The following TTLL4 variants were observed in gnomAD, a reference collection of about 807,000 sequenced individuals.
TTLL4 encodes the protein tubulin tyrosine ligase like 4.
TTLL4 carries 85 observed loss-of-function variants against 122.7 expected under a neutral mutation model. That is an observed-to-expected ratio of 0.69 (90% CI 0.58 to 0.83). The LOEUF (loss-of-function observed/expected upper bound fraction) is 0.83, where lower values mean the gene tolerates loss of function less well. Ranked by LOEUF, TTLL4 falls within the 40% of genes least tolerant of loss-of-function variation. TTLL4 has a pLI of 0.00. For synonymous variants in TTLL4, 553 were observed against 563.0 expected (o/e 0.98, Z 0.25); for missense variants, 1,363 against 1,488.6 (o/e 0.92, Z 1.39).
At chr2:218,751,887 C>CTTTTTTTT (rs72027596) in intron 16 of TTLL4, 81 bp downstream of exon 16, 14 of 455,208 alleles carry the variant, frequency 3.1e-5, no homozygotes, top group Admixed American at 5.2e-5. Context: ...AACAGCTTTT[C>CTTTTTTTT]TTTTTTTTTT....
rs773504395 is a variant in TTLL4 at position 218,738,969 on chromosome 2, C to G, written c.1293C>G (p.Leu431=). The change falls in exon 3 of 20, where the codon CTC becomes CTG. Residue 431 remains leucine (L), a synonymous_variant. Transcript: ENST00000392102. ...IHLLASHASG[L]NHNPACESVI... ...TCCTTGCCTCACATGCCAGTGGGCT[C>G]AATCACAACCCTGCCTGTGAATCTG... 6.2e-7 allele frequency: 1 copy of G among 1,614,198 alleles called. No homozygotes were observed.
In TTLL4 at chr2:218,749,407, C is replaced by T. The variant is rs767566175; in HGVS notation, c.2735+20C>T. The T allele has an allele frequency of 4.3e-6, 7 of 1,613,608 alleles. No homozygotes were observed. The highest frequency in any genetic ancestry group is 4.0e-5 in the African/African-American group (3 of 74,876). ...CCCAAGGTAGGTGGTATTCTCAGGACACTCACCATAGAATCCTTCCATTAT... is the reference window on the plus strand; with the variant it reads ...CCCAAGGTAGGTGGTATTCTCAGGATACTCACCATAGAATCCTTCCATTAT... On this transcript the variant is annotated intron_variant, in intron 14 of 19. Coordinates refer to ENST00000392102, the MANE Select transcript of TTLL4 (RefSeq NM_014640.5).
rs865971530 is a variant in TTLL4 at position 218,753,996 on chromosome 2, G to C, written c.3345-138G>C. 1.1e-5 allele frequency: 14 copies of C among 1,279,202 alleles called. No individual in the cohort carries two copies. The Middle Eastern group carries it at 2.8e-3, about 257-fold the overall frequency. 79.2% of individuals were successfully genotyped at this position (1,279,202 alleles called of 1,614,324 possible). On this transcript the variant is annotated intron_variant, in intron 19 of 19. Transcript: ENST00000392102. ...TCAAGTAAATAGAATTTTTTTTATG[G>C]TTATTACATTTCCATGTAATTTTGG...
At chr2:218,717,191 G>A (rs1276563530) in intron 1 of TTLL4, among the ~76,000 whole-genome samples, 2 of 151,850 alleles carry the variant, frequency 1.3e-5, no homozygotes, top group African/African-American at 4.8e-5. Flanking sequence ...TTGAACTCTG[G>A]AGCCCAAGTA....
At position 218,712,026 on chromosome 2, in the gene TTLL4, C is replaced by T. The variant is rs151109807; in HGVS notation, c.-178+989C>T. ...TTTGTGCTCAGAAAGTTAGCAGCTA[C>T]TTATATTGGACTGAATCAATCCTTG... On this transcript the variant is annotated intron_variant, in intron 1 of 19. Coordinates refer to ENST00000392102, the MANE Select transcript of TTLL4 (RefSeq NM_014640.5). 2.5e-3 allele frequency among the ~76,000 whole-genome samples: 381 copies of T among 152,050 alleles called. 2 individuals carry two copies. Among genetic ancestry groups the T allele is most frequent in the African/African-American group, 8.6e-3 (358 of 41,518 alleles).
At chr2:218,749,409 C>T in intron 14 of TTLL4, 22 bp downstream of exon 14, 2 of 1,613,668 alleles carry the variant, frequency 1.2e-6, no homozygotes, top group Non-Finnish European at 1.7e-6. Context: ...TCTCAGGACA[C>T]TCACCATAGA....
At chr2:218,757,744 G>A (rs1416228913), downstream of TTLL4, among the ~76,000 whole-genome samples, 1 of 152,140 alleles carries the variant, frequency 6.6e-6, no homozygotes, top group African/African-American at 2.4e-5. Flanking sequence ...GCTGCTGAGG[G>A]CCAGTGAAGG....
chr2:218,717,991 G>A (rs375461802), intron 1 of TTLL4, among the ~76,000 whole-genome samples: 3 of 152,230 alleles, frequency 2.0e-5, no homozygotes, highest in East Asian at 3.9e-4. Flanking sequence ...GGGTTTCACC[G>A]TGTTAACCAG....
intron 1 of TTLL4, among the ~76,000 whole-genome samples, chr2:218,716,619 C>T (rs1941866704): frequency 6.6e-6 from 1 of 152,174 alleles, no homozygotes; most frequent in African/African-American, 2.4e-5. Flanking sequence ...GAAACCCTGT[C>T]TCTACTAAAA....
intron 2 of TTLL4, among the ~76,000 whole-genome samples, chr2:218,734,197 T>G (rs1942454525): frequency 1.3e-5 from 2 of 152,238 alleles, no homozygotes; most frequent in Admixed American, 1.3e-4. Context: ...GGATTCATCA[T>G]CAGTAAACTG....
In TTLL4 at chr2:218,738,868, C is replaced by T. The variant is rs1010999200; in HGVS notation, c.1192C>T (p.Arg398Trp). The T allele has an allele frequency of 9.9e-6, 16 of 1,614,066 alleles. No individual in the cohort carries two copies. Among genetic ancestry groups the T allele is most frequent in the East Asian group, 2.2e-5 (1 of 44,900 alleles). ...TCAGGAGGATGCTGGATCGGTCAGG[C>T]GGGTCCTCCCTGGTGCCTCAGATAC... is the stretch of plus-strand genomic sequence containing the variant. ...FPQEDAGSVR[R>W]VLPGASDTLG... The change falls in exon 3 of 20, where the codon CGG becomes TGG. Residue 398 changes from arginine to tryptophan, a missense_variant. Transcript: ENST00000392102.
intron 2 of TTLL4, among the ~76,000 whole-genome samples, chr2:218,731,141 T>C (rs965458947): frequency 3.3e-5 from 5 of 150,482 alleles, no homozygotes; most frequent in African/African-American, 4.9e-5. Flanking sequence ...CTGGGCACGG[T>C]GGCTCACACC....
chr2:218,750,414 TTG>T (rs1229281979), intron 15 of TTLL4, among the ~76,000 whole-genome samples: 2 of 152,176 alleles, frequency 1.3e-5, no homozygotes, highest in East Asian at 3.8e-4. Flanking sequence ...TCCCAGCTAC[TTG>T]GGAGACTGAA....
At chr2:218,746,326 A>G in intron 8 of TTLL4, 95 bp downstream of exon 8, 1 of 1,369,586 alleles carries the variant, frequency 7.3e-7, no homozygotes, top group Non-Finnish European at 1.0e-6. Context: ...CGGGAAGAGG[A>G]TGATGACCAT....
chr2:218,746,904 G>A (rs769715306), intron 8 of TTLL4, 99 bp from the exon 9 acceptor site: 2 of 1,336,488 alleles, frequency 1.5e-6, no homozygotes, highest in South Asian at 1.4e-5. Context: ...AAAGCTTGGA[G>A]TGCTGCTAAA....
chr2:218,729,153 C>T (rs1450004313), intron 2 of TTLL4, among the ~76,000 whole-genome samples: 3 of 152,026 alleles, frequency 2.0e-5, no homozygotes, highest in South Asian at 2.1e-4. Flanking sequence ...AGGCTGGTCT[C>T]GAACTCCTGG....
intron 5 of TTLL4, among the ~76,000 whole-genome samples, chr2:218,742,601 C>G (rs1318366531): frequency 6.6e-6 from 1 of 152,192 alleles, no homozygotes; most frequent in African/African-American, 2.4e-5. Flanking sequence ...GAAGCCAGGT[C>G]TCTTGAGGAG....
In TTLL4 at chr2:218,739,054, C is replaced by T. The variant is rs1164989258; in HGVS notation, c.1378C>T (p.Leu460Phe). 6.2e-7 allele frequency: 1 copy of T among 1,614,058 alleles called. No homozygotes were observed. Among genetic ancestry groups the T allele is most frequent in the Non-Finnish European group, 8.5e-7 (1 of 1,180,048 alleles). ...KAPGPPFPQT[L>F]GIANVATRLS... Reference sequence around the variant, plus strand: ...TCCAGGTCCCCCTTTTCCTCAAACTCTTGGCATAGCCAACGTGGCCACCCG... The same window carrying T: ...TCCAGGTCCCCCTTTTCCTCAAACTTTTGGCATAGCCAACGTGGCCACCCG... The change falls in exon 3 of 20, where the codon CTT becomes TTT. Residue 460 changes from leucine to phenylalanine, a missense_variant. Leu to Phe is a conservative substitution (Grantham distance 22). This residue lies in a region of TTLL4 where 760 missense variants were observed against 808.4 expected (regional missense o/e 0.94). Coordinates refer to ENST00000392102, the MANE Select transcript of TTLL4 (RefSeq NM_014640.5).
At chr2:218,730,516 T>G (rs1429484222) in intron 2 of TTLL4, among the ~76,000 whole-genome samples, 2 of 150,626 alleles carry the variant, frequency 1.3e-5, no homozygotes, top group Non-Finnish European at 3.0e-5. Context: ...TCAAAGTAAA[T>G]AAATAAATAA....
Sources: gnomAD v4.1 joint callset for allele counts (sites outside exome capture counted in the v4.1 genomes callset) on GRCh38, gnomAD v4.1.1 for gene constraint, gnomAD v4.1.1 regional missense constraint, MANE v1.5 for transcripts, NCBI Gene and HGNC (gene_info 2026-07-23, HGNC 2026-07-21) for gene names.